ANKHD1: variants seen among roughly 807,000 people sequenced by gnomAD.
ANKHD1 encodes the protein ankyrin repeat and KH domain-containing protein 1.
Under a neutral mutation model 230.5 loss-of-function variants are expected in ANKHD1, and 31 were observed. The ratio of observed to expected loss-of-function variants is 0.13; its 90% CI spans 0.10 to 0.18. The LOEUF is 0.18. ANKHD1 is among the 10% of genes least tolerant of loss of function. The pLI, the probability that ANKHD1 is intolerant of heterozygous loss-of-function variation, is 1.00. For missense variants in ANKHD1, 2,256 were observed against 3,071.3 expected (o/e 0.73, Z 6.27); for synonymous variants, 1,074 against 1,117.6 (o/e 0.96, Z 0.78).
chr5:140,535,395 C>G lies in ANKHD1; in HGVS notation c.6884C>G (p.Pro2295Arg). 6.2e-7 allele frequency: 1 copy of G among 1,612,690 alleles called. No individual in the cohort carries two copies. Among genetic ancestry groups the G allele is most frequent in the Non-Finnish European group, 8.5e-7 (1 of 1,179,452 alleles). Residue 2295 changes from proline (P) to arginine (R), a missense_variant, in exon 30 of 34, where the codon CCA becomes CGA. Transcript: ENST00000360839. ...LPSIDPSGSS[P>R]SSSSAPLASF... The stretch of plus-strand genomic sequence containing the variant: ...TCCATTGACCCATCAGGCAGCTCCC[C>G]ATCTTCCTCTTCTGCTCCTCTGGCA...
intron 1 of ANKHD1, among the ~76,000 whole-genome samples, chr5:140,428,215 C>T (rs1772702419): frequency 6.6e-6 from 1 of 152,208 alleles, no homozygotes. Flanking sequence ...AGAGACGCTC[C>T]TCACTTCCCA....
chr5:140,408,974 C>T (rs1160276712), intron 1 of ANKHD1, among the ~76,000 whole-genome samples: 1 of 152,138 alleles, frequency 6.6e-6, no homozygotes, highest in African/African-American at 2.4e-5. Context: ...TTGTGAGGGG[C>T]TCTCCTGTGC....
rs1394824685 is a variant in ANKHD1 at position 140,507,419 on chromosome 5, T to C, written c.3552-366T>C. 6.6e-6 allele frequency among the ~76,000 whole-genome samples: 1 copy of C among 152,250 alleles called. No homozygotes were observed. The highest frequency in any genetic ancestry group is 1.9e-4 in the East Asian group (1 of 5,196). On this transcript the variant is annotated intron_variant, in intron 19 of 33. Transcript: ENST00000360839. The surrounding 1 kb of genome is among the most constrained non-coding windows in gnomAD (Gnocchi z 4.1). ...GCCTCCGGGGTTCAAGCGATTCTTA[T>C]GCCTCAGCCTCCCAGGTAGCTGGGA...
chr5:140,479,297 C>T (rs1303038965), intron 10 of ANKHD1, among the ~76,000 whole-genome samples: 1 of 151,956 alleles, frequency 6.6e-6, no homozygotes, highest in Non-Finnish European at 1.5e-5. Context: ...CATGCCCAGC[C>T]GAAATGGATG....
At chr5:140,427,855 C>T (rs1455436066) in intron 1 of ANKHD1, among the ~76,000 whole-genome samples, 7 of 151,480 alleles carry the variant, frequency 4.6e-5, no homozygotes, top group South Asian at 2.1e-4. Context: ...GGCTGCTGGG[C>T]GGAGGGGCTC....
chr5:140,406,958 A>G (rs1332771663), intron 1 of ANKHD1, among the ~76,000 whole-genome samples: 1 of 152,182 alleles, frequency 6.6e-6, no homozygotes, highest in Admixed American at 6.6e-5. Flanking sequence ...TCCTATTAAG[A>G]AATGTATCCA....
chr5:140,512,792 A>G (rs533909782), intron 22 of ANKHD1, 36 bp from the exon 23 acceptor site: 2 of 1,532,380 alleles, frequency 1.3e-6, no homozygotes, highest in African/African-American at 2.8e-5. Context: ...TTTTCTTTTC[A>G]TGCTACCTTG....
At chr5:140,465,826 C>T (rs1177538860) in intron 10 of ANKHD1, among the ~76,000 whole-genome samples, 1 of 151,996 alleles carries the variant, frequency 6.6e-6, no homozygotes, top group Non-Finnish European at 1.5e-5. Context: ...GCTTTTTTGT[C>T]TGAGAATTGT....
At chr5:140,534,962 G>GA (rs1401900893) in intron 29 of ANKHD1, among the ~76,000 whole-genome samples, 1 of 152,194 alleles carries the variant, frequency 6.6e-6, no homozygotes, top group Non-Finnish European at 1.5e-5. Flanking sequence ...TTATACAGAT[G>GA]AAAAGCTGTA....
intron 1 of ANKHD1, among the ~76,000 whole-genome samples, chr5:140,405,995 T>C (rs888275993): frequency 6.6e-6 from 1 of 152,004 alleles, no homozygotes; most frequent in African/African-American, 2.4e-5. Flanking sequence ...ATCACAGCAC[T>C]TTGGGAGGCC....
chr5:140,460,864 A>C (rs1434171954), intron 9 of ANKHD1, among the ~76,000 whole-genome samples: 5 of 152,186 alleles, frequency 3.3e-5, no homozygotes, highest in Non-Finnish European at 7.4e-5. Context: ...TGGTTTGGAC[A>C]AACCAACCAT....
At chr5:140,531,307 G>A (rs772995632) in intron 29 of ANKHD1, 28 of 428,428 alleles carry the variant, frequency 6.5e-5, no homozygotes, top group Non-Finnish European at 8.4e-5. Flanking sequence ...CCGACTGAGC[G>A]TGGTGGTTCA....
At position 140,537,606 on chromosome 5, in the gene ANKHD1, C is replaced by T; in HGVS notation, c.7228+17C>T. The T allele has an allele frequency of 6.5e-7, 1 of 1,542,052 alleles. No homozygotes were observed. The highest frequency in any genetic ancestry group is 8.7e-7 in the Non-Finnish European group (1 of 1,144,810). The stretch of plus-strand genomic sequence containing the variant: ...CTGTGTCAGGTACAATTGCCTTGCT[C>T]TCTCTCTGGAGGGATATCTTAAGTA... On this transcript the variant is annotated intron_variant, in intron 31 of 33. Coordinates refer to ENST00000360839, the MANE Select transcript of ANKHD1 (RefSeq NM_017747.3).
At chr5:140,461,739 TAA>T (rs1355280284) in intron 9 of ANKHD1, among the ~76,000 whole-genome samples, 1 of 152,170 alleles carries the variant, frequency 6.6e-6, no homozygotes, top group East Asian at 1.9e-4. Flanking sequence ...GTTACTTTTA[TAA>T]AAGTGTTAAT....
In ANKHD1 at chr5:140,436,695, G is replaced by A. The variant is rs1011860005; in HGVS notation, c.460+438G>A. On this transcript the variant is annotated intron_variant, in intron 2 of 33. Transcript: ENST00000360839. ...CTAGAGGGGGAGGTTTCAGTGAGCC[G>A]AGATCATGCCATAGCACTCCATCCT... Among the ~76,000 whole-genome samples the A allele has an allele frequency of 4.7e-5, 7 of 150,506 alleles. 1 individual carries two copies. Among genetic ancestry groups the A allele is most frequent in the South Asian group, 4.2e-4 (2 of 4,792 alleles).
chr5:140,496,101 G>A (rs1370576425), intron 14 of ANKHD1, among the ~76,000 whole-genome samples: 1 of 152,066 alleles, frequency 6.6e-6, no homozygotes, highest in Non-Finnish European at 1.5e-5. Flanking sequence ...GTTCTAAATG[G>A]GCAGTTAACA....
At chr5:140,536,134 C>T (rs1754060800) in intron 30 of ANKHD1, among the ~76,000 whole-genome samples, 1 of 152,110 alleles carries the variant, frequency 6.6e-6, no homozygotes, top group African/African-American at 2.4e-5. Flanking sequence ...CGCTCTGTTG[C>T]CCTGGCTGGA....
At chr5:140,457,646 T>A (rs1463807104) in intron 7 of ANKHD1, among the ~76,000 whole-genome samples, 1 of 151,988 alleles carries the variant, frequency 6.6e-6, no homozygotes. Context: ...TAGGTGGGAA[T>A]TGAACAATGA....
intron 10 of ANKHD1, among the ~76,000 whole-genome samples, chr5:140,478,933 T>G (rs768481842): frequency 1.3e-5 from 2 of 150,530 alleles, no homozygotes; most frequent in South Asian, 4.2e-4. Context: ...CATGAGCCAC[T>G]GAGCCTGGCC....
Sources: gnomAD v4.1 joint callset for allele counts (sites outside exome capture counted in the v4.1 genomes callset) on GRCh38, gnomAD v4.1.1 for gene constraint, Gnocchi (gnomAD v3.1) non-coding constraint, MANE v1.5 for transcripts, NCBI Gene and HGNC (gene_info 2026-07-23, HGNC 2026-07-21) for gene names.